Variants in TMEM165 observed in about 807,000 individuals in gnomAD.
TMEM165 encodes the protein putative divalent cation/proton antiporter TMEM165.
TMEM165 carries 19 observed loss-of-function variants against 30.0 expected under a neutral mutation model. That is an observed-to-expected ratio of 0.63 (90% confidence interval 0.44 to 0.93). TMEM165 has a LOEUF of 0.93. TMEM165 is among the 40% of genes least tolerant of loss of function. TMEM165 has a pLI of 0.00. For synonymous variants in TMEM165, 168 were observed against 162.9 expected (o/e 1.03, Z -0.24); for missense variants, 340 against 417.0 (o/e 0.82, Z 1.61).
At position 55,395,959 on chromosome 4, in the gene TMEM165, C is replaced by T. The variant is rs1720699601; in HGVS notation, c.-231C>T. 8 of 367,768 alleles carry T rather than the reference C, an allele frequency of 2.2e-5. No individual in the cohort carries two copies. In the East Asian group the frequency reaches 3.1e-4, roughly 14 times the overall value. 22.8% of individuals were successfully genotyped at this position (367,768 alleles called of 1,614,324 possible). A position where few individuals can be genotyped will look rare whatever the true frequency, so the allele number is the denominator to read the frequency against. The stretch of plus-strand genomic sequence containing the variant: ...GGGCCGCGCCGAGGCAGCTGGCTGA[C>T]TCCAGTTTAGCCGCCGCCGGAGAGG... On this transcript the variant is annotated 5_prime_UTR_variant, in exon 1 of 6. Coordinates refer to ENST00000381334, the MANE Select transcript of TMEM165 (RefSeq NM_018475.5).
Position 55,396,217 on chromosome 4 carries a change from C to T in TMEM165, c.28C>T (p.Arg10Cys), listed in dbSNP as rs777311596. The T allele has an allele frequency of 1.4e-6, 2 of 1,455,038 alleles. No homozygotes were observed. Among genetic ancestry groups the T allele is most frequent in the African/African-American group, 2.9e-5 (2 of 68,122 alleles). 90.1% of individuals were successfully genotyped at this position (1,455,038 alleles called of 1,614,324 possible). A position where few individuals can be genotyped will look rare whatever the true frequency, so the allele number is the denominator to read the frequency against. ...GGCGGCCGCGGCTCCAGGGAACGGC[C>T]GCGCATCGGCGCCCCGGCTGCTTCT... MAAAAPGNG[R>C]ASAPRLLLLF... Residue 10 changes from arginine (R) to cysteine (C), a missense_variant, in exon 1 of 6, where the codon CGC becomes TGC. This residue lies in a region of TMEM165 where 120 missense variants were observed against 109.4 expected (regional missense o/e 1.10). Coordinates refer to ENST00000381334, the MANE Select transcript of TMEM165 (RefSeq NM_018475.5).
chr4:55,417,785 GTTTATTA>G lies in TMEM165; in HGVS notation c.610-11_610-5del. 1.3e-6 allele frequency: 2 copies of G among 1,571,194 alleles called. No homozygotes were observed. The highest frequency in any genetic ancestry group is 1.8e-4 in the Middle Eastern group (1 of 5,580). On this transcript the variant is annotated splice_polypyrimidine_tract_variant and intron_variant, in intron 3 of 5. Coordinates refer to ENST00000381334, the MANE Select transcript of TMEM165 (RefSeq NM_018475.5). ...TTGCTTCCTGTGCTTACTTTCATTT[GTTTATTA>G]TTTATTTTAGTTTCAACGAACCAAA...
intron 3 of TMEM165, chr4:55,438,584 A>G (rs1316888183): frequency 6.2e-7 from 1 of 1,611,670 alleles, no homozygotes; most frequent in Non-Finnish European, 8.5e-7. Flanking sequence ...AGTACAAGGT[A>G]TACATCATAA....
intron 1 of TMEM165, among the ~76,000 whole-genome samples, chr4:55,398,498 T>C (rs185472178): frequency 3.9e-5 from 6 of 152,392 alleles, no homozygotes; most frequent in Admixed American, 2.6e-4. Context: ...CTTACTCTTT[T>C]GACTTATTTA....
intron 4 of TMEM165, chr4:55,422,977 A>G (rs1185400431): frequency 2.0e-5 from 3 of 152,094 alleles, no homozygotes; most frequent in Non-Finnish European, 4.4e-5. Context: ...TTGCTTTGTC[A>G]CCCAGGATGG....
chr4:55,453,228 C>A (rs79210836), exon 4 of TMEM165: 1 of 968,702 alleles, frequency 1.0e-6, no homozygotes, highest in South Asian at 1.3e-5. Flanking sequence ...CTCATCTGTT[C>A]ATCTAGACTA....
Position 55,396,011 on chromosome 4 carries a change from T to C in TMEM165, c.-179T>C. On this transcript the variant is annotated 5_prime_UTR_variant, in exon 1 of 6. Coordinates refer to ENST00000381334, the MANE Select transcript of TMEM165 (RefSeq NM_018475.5). Reference sequence around the variant, plus strand: ...CGGGCGCCGAGCCGGGGCTGCGGACTTCGGCCTGCCCCTCACCTCACTCCC... The same window carrying C: ...CGGGCGCCGAGCCGGGGCTGCGGACCTCGGCCTGCCCCTCACCTCACTCCC... 2.3e-6 allele frequency: 1 copy of C among 426,780 alleles called. No individual in the cohort carries two copies. Among genetic ancestry groups the C allele is most frequent in the African/African-American group, 2.1e-5 (1 of 47,954 alleles). The allele number at this position is 426,780 out of a possible 1,614,324, so 26.4% of individuals were successfully genotyped here. A position where few individuals can be genotyped will look rare whatever the true frequency, so the allele number is the denominator to read the frequency against.
intron 1 of TMEM165, among the ~76,000 whole-genome samples, chr4:55,401,974 TG>T (rs1445824586): frequency 6.7e-6 from 1 of 149,258 alleles, no homozygotes; most frequent in Non-Finnish European, 1.5e-5. Context: ...AAAAATTAGC[TG>T]GGCGTGGTGG....
intron 1 of TMEM165, among the ~76,000 whole-genome samples, chr4:55,408,486 G>T (rs753495530): frequency 8.0e-4 from 121 of 152,176 alleles, no homozygotes; most frequent in African/African-American, 2.9e-3. Flanking sequence ...AATACTGTAG[G>T]CAGTTGTAAC....
At chr4:55,417,782 T>G in intron 3 of TMEM165, 21 bp from the exon 4 acceptor site, 1 of 1,561,746 alleles carries the variant, frequency 6.4e-7, no homozygotes, top group Non-Finnish European at 8.7e-7. Context: ...CTTACTTTCA[T>G]TTGTTTATTA....
rs201923085 is a variant in TMEM165, at chr4:55,411,780, A to C, written c.374A>C (p.Asn125Thr). The change falls in exon 2 of 6, where the codon AAC (asparagine) becomes ACC (threonine). Residue 125 changes from asparagine (N) to threonine (T), a missense_variant. By Grantham distance (65) the Asn-to-Thr change is moderately conservative. Around this residue, in one of 2 missense-constraint regions of TMEM165, gnomAD observed 220 missense variants for 307.6 expected, o/e 0.72. Coordinates refer to ENST00000381334, the MANE Select transcript of TMEM165 (RefSeq NM_018475.5). Reference sequence around the variant, plus strand: ...GCAGCCATCATGGCAATGCGCTATAACCGCCTGACCGTGCTGGCTGGTGCA... The same window carrying C: ...GCAGCCATCATGGCAATGCGCTATACCCGCCTGACCGTGCTGGCTGGTGCA... Reference protein sequence around the residue: ...FIAAIMAMRYNRLTVLAGAML... With the variant: ...FIAAIMAMRYTRLTVLAGAML... 1 of 1,614,156 alleles carries C rather than the reference A, an allele frequency of 6.2e-7. No homozygotes were observed. The highest frequency in any genetic ancestry group is 2.2e-5 in the East Asian group (1 of 44,878).
intron 1 of TMEM165, among the ~76,000 whole-genome samples, chr4:55,408,429 GC>G (rs1366608495): frequency 6.6e-6 from 1 of 152,100 alleles, no homozygotes; most frequent in Non-Finnish European, 1.5e-5. Context: ...AAATGGTATA[GC>G]CTATGGCTTT....
intron 3 of TMEM165, among the ~76,000 whole-genome samples, chr4:55,436,234 T>G (rs1722866184): frequency 6.6e-6 from 1 of 152,184 alleles, no homozygotes; most frequent in Non-Finnish European, 1.5e-5. Flanking sequence ...AAGGCAAAGT[T>G]GCAGCCTTAG....
intron 1 of TMEM165, among the ~76,000 whole-genome samples, chr4:55,409,370 T>TA (rs1721393338): frequency 6.6e-6 from 1 of 152,240 alleles, no homozygotes; most frequent in Non-Finnish European, 1.5e-5. Context: ...AATCTGTTTT[T>TA]ACGCTGTCCA....
rs933201513 is a variant in TMEM165, at chr4:55,398,187, G to A, written c.207+1791G>A. On this transcript the variant is annotated intron_variant, in intron 1 of 5. Transcript: ENST00000381334. ...ATTTGTAAGAATCAGTGCTGTCCCA[G>A]ATGTAGTAATCGCTATTGAGAAATA... Among the ~76,000 whole-genome samples the A allele has an allele frequency of 2.8e-4, 42 of 152,224 alleles. 1 individual carries two copies. The highest frequency in any genetic ancestry group is 4.4e-5 in the Non-Finnish European group (3 of 68,040).
intron 3 of TMEM165, among the ~76,000 whole-genome samples, chr4:55,446,845 G>A (rs1723891797): frequency 6.6e-6 from 1 of 152,148 alleles, no homozygotes; most frequent in Admixed American, 6.5e-5. Context: ...ACAGTGAACT[G>A]TATGTAAAAG....
chr4:55,439,728 A>C (rs574794115), intron 3 of TMEM165, among the ~76,000 whole-genome samples: 6 of 152,334 alleles, frequency 3.9e-5, no homozygotes, highest in Admixed American at 3.9e-4. Context: ...CCCTGAGAAC[A>C]TTATCCTAAG....
chr4:55,448,785 C>A lies in TMEM165; in HGVS notation c.409-3454C>A, dbSNP rs1451000532. 3.1e-6 allele frequency: 5 copies of A among 1,613,238 alleles called. No individual in the cohort carries two copies. In the African/African-American group the frequency reaches 5.3e-5, roughly 17 times the overall value. ...AACAAAAACCAAAAAGTACCTGGGA[C>A]ATGCCTTGTGGAATTGGTAAATTTG... On this transcript the variant is annotated intron_variant, in intron 3 of 3. Coordinates refer to the TMEM165 transcript ENST00000608091.
chr4:55,451,882 G>A (rs1207782443), intron 3 of TMEM165, among the ~76,000 whole-genome samples: 2 of 152,160 alleles, frequency 1.3e-5, no homozygotes, highest in Non-Finnish European at 2.9e-5. Context: ...ATTCAGTGCT[G>A]TATTCTTAGC....
Sources: gnomAD v4.1 joint callset for allele counts (sites outside exome capture counted in the v4.1 genomes callset) on GRCh38, gnomAD v4.1.1 for gene constraint, gnomAD v4.1.1 regional missense constraint, MANE v1.5 for transcripts, NCBI Gene and HGNC (gene_info 2026-07-23, HGNC 2026-07-21) for gene names.